APLF: variants seen among roughly 807,000 people sequenced by gnomAD.
APLF encodes aprataxin and PNK-like factor.
APLF carries 61 observed loss-of-function variants against 55.6 expected under a neutral mutation model. The observed-to-expected ratio is 1.10, with a 90% CI of 0.89 to 1.36. The LOEUF is 1.36. Among genes scored for constraint, APLF ranks in the 40% most tolerant of loss-of-function variants. The pLI is 0.00. For synonymous variants in APLF, 207 were observed against 214.8 expected, an observed-to-expected ratio of 0.96 and a Z score of 0.32; for missense variants, 611 against 602.5, an observed-to-expected ratio of 1.01 and a Z score of -0.15.
In APLF at chr2:68,493,152, A is replaced by G. The variant is rs75275544; in HGVS notation, c.168+2891A>G. Among the ~76,000 whole-genome samples, 856 of 152,264 alleles carry G rather than the reference A, an allele frequency of 5.6e-3. 6 individuals carry two copies. The highest frequency in any genetic ancestry group is 0.022 in the Admixed American group (330 of 15,298). On this transcript the variant is annotated intron_variant, in intron 2 of 9. Transcript: ENST00000303795. The stretch of plus-strand genomic sequence containing the variant: ...TTCTTCAAGTTACAACTAATTGATG[A>G]TCTGTCTTAACAAGAAGTTTTAGTG...
intron 7 of APLF, among the ~76,000 whole-genome samples, chr2:68,541,887 A>G (rs1296138976): frequency 6.6e-6 from 1 of 152,222 alleles, no homozygotes; most frequent in Non-Finnish European, 1.5e-5. Flanking sequence ...TGATTTTAAA[A>G]TGTATTACAA....
chr2:68,528,828 G>T, intron 6 of APLF: 1 of 1,498,696 alleles, frequency 6.7e-7, no homozygotes, highest in Non-Finnish European at 9.0e-7. Context: ...AAGCTCTTGA[G>T]GTGGACATTT....
chr2:68,511,030 A>G lies in APLF; in HGVS notation c.342-2050A>G, dbSNP rs141133170. Reference sequence around the variant, plus strand: ...GGAGCAGGAGGAAGAGGCAATAGGAAGAGATTGCTAATGCATATGGAATTT... The same window carrying G: ...GGAGCAGGAGGAAGAGGCAATAGGAGGAGATTGCTAATGCATATGGAATTT... On this transcript the variant is annotated intron_variant, in intron 3 of 9. Transcript: ENST00000303795. 4.1e-3 allele frequency among the ~76,000 whole-genome samples: 623 copies of G among 151,980 alleles called. 3 individuals are homozygous for G. Among genetic ancestry groups the G allele is most frequent in the African/African-American group, 0.014 (593 of 41,540 alleles).
Position 68,467,601 on chromosome 2 carries a change from C to A in APLF, c.-131C>A. The A allele has an allele frequency of 1.4e-6, 1 of 697,938 alleles. No individual in the cohort carries two copies. The highest frequency in any genetic ancestry group is 3.4e-5 in the East Asian group (1 of 29,238). 43.2% of individuals were successfully genotyped at this position (697,938 alleles called of 1,614,324 possible). ...CCGGGCTCTGAGAGGACCGGCGCAG[C>A]CGCGGGGAGCCTTTGAGGCCCTCCC... On this transcript the variant is annotated 5_prime_UTR_variant, in exon 1 of 10. Transcript: ENST00000303795.
intron 2 of APLF, among the ~76,000 whole-genome samples, chr2:68,501,635 A>G (rs951586123): frequency 6.6e-6 from 1 of 152,172 alleles, no homozygotes; most frequent in East Asian, 1.9e-4. Flanking sequence ...TATCTTTGCT[A>G]ACATGGAAAT....
At chr2:68,487,569 G>A (rs1482182187) in intron 1 of APLF, among the ~76,000 whole-genome samples, 1 of 152,036 alleles carries the variant, frequency 6.6e-6, no homozygotes, top group Non-Finnish European at 1.5e-5. Context: ...GTTGATAATT[G>A]ATTGTTATTA....
At chr2:68,473,853 A>G (rs1675692376) in intron 1 of APLF, among the ~76,000 whole-genome samples, 1 of 152,192 alleles carries the variant, frequency 6.6e-6, no homozygotes, top group African/African-American at 2.4e-5. Context: ...GCAGACATCA[A>G]CTGGGTGTCC....
intron 3 of APLF, among the ~76,000 whole-genome samples, chr2:68,504,481 G>A (rs762207063): frequency 1.1e-4 from 16 of 151,880 alleles, no homozygotes; most frequent in East Asian, 5.8e-4. Context: ...TTAGTTTATC[G>A]TATAAAAATC....
chr2:68,566,645 T>C (rs1671318689), intron 8 of APLF, among the ~76,000 whole-genome samples: 1 of 152,156 alleles, frequency 6.6e-6, no homozygotes, highest in African/African-American at 2.4e-5. Flanking sequence ...AGTTTGGTCA[T>C]GATGAATCTG....
At position 68,513,658 on chromosome 2, in the gene APLF, T is replaced by G; in HGVS notation, c.600T>G (p.Leu200=). 3 of 1,611,104 alleles carry G rather than the reference T, an allele frequency of 1.9e-6. No individual in the cohort carries two copies. Among genetic ancestry groups the G allele is most frequent in the Non-Finnish European group, 2.5e-6 (3 of 1,178,060 alleles). ...CAGAACATTTAAGTGATCAAAACCT[T>G]TCAGTACCAGCAATCAGTGGAGGTA... ...MLAEHLSDQN[L]SVPAISGGNV... is the part of the protein sequence containing the mutation. The change falls in exon 5 of 10, where the codon CTT becomes CTG. Residue 200 remains leucine (L), a synonymous_variant. Transcript: ENST00000303795.
At chr2:68,542,328 G>A (rs1357100120) in intron 7 of APLF, among the ~76,000 whole-genome samples, 1 of 152,056 alleles carries the variant, frequency 6.6e-6, no homozygotes, top group East Asian at 1.9e-4. Flanking sequence ...AAAAACTTCT[G>A]TACATGAAAG....
intron 9 of APLF, among the ~76,000 whole-genome samples, chr2:68,573,572 C>A (rs917975456): frequency 1.3e-5 from 2 of 150,856 alleles, no homozygotes; most frequent in Non-Finnish European, 2.9e-5. Flanking sequence ...ACTCAGGAGG[C>A]TGAGGCAGGA....
At chr2:68,517,069 TTAA>T (rs1469231826) in intron 5 of APLF, among the ~76,000 whole-genome samples, 1 of 123,998 alleles carries the variant, frequency 8.1e-6, no homozygotes, top group African/African-American at 3.2e-5. Context: ...ATATAACATG[TTAA>T]TATATAATAT....
intron 9 of APLF, among the ~76,000 whole-genome samples, chr2:68,573,052 A>G (rs1374192405): frequency 6.6e-6 from 1 of 152,210 alleles, no homozygotes. Flanking sequence ...ATTCCTCTGC[A>G]TATATAAAAA....
chr2:68,561,805 C>A (rs993768109), intron 8 of APLF, among the ~76,000 whole-genome samples: 5 of 151,894 alleles, frequency 3.3e-5, no homozygotes, highest in East Asian at 3.9e-4. Context: ...AACTGTTTTT[C>A]AAAGGGTAGA....
intron 8 of APLF, among the ~76,000 whole-genome samples, chr2:68,546,083 G>T (rs1189346737): frequency 6.6e-6 from 1 of 152,020 alleles, no homozygotes; most frequent in East Asian, 1.9e-4. Context: ...TCAATGAGAA[G>T]GCAAAGTAAG....
chr2:68,528,221 C>T (rs1294704828), intron 6 of APLF: 15 of 1,081,602 alleles, frequency 1.4e-5, no homozygotes, highest in Admixed American at 4.0e-5. Context: ...GGATTACAGG[C>T]GTGGGCCACC....
At chr2:68,484,843 T>A (rs1676077522) in intron 1 of APLF, among the ~76,000 whole-genome samples, 1 of 151,152 alleles carries the variant, frequency 6.6e-6, no homozygotes, top group Non-Finnish European at 1.5e-5. Context: ...AAAAAAAAAA[T>A]AAATACAACA....
intron 3 of APLF, among the ~76,000 whole-genome samples, chr2:68,504,901 A>G (rs1228928069): frequency 6.6e-6 from 1 of 152,086 alleles, no homozygotes; most frequent in Non-Finnish European, 1.5e-5. Context: ...GGGATTGACT[A>G]GTAAGAAGCT....
Sources: allele counts gnomAD v4.1 joint callset (sites outside exome capture counted in the v4.1 genomes callset), GRCh38; gene constraint gnomAD v4.1.1; transcripts MANE v1.5; gene names NCBI Gene and HGNC (gene_info 2026-07-23, HGNC 2026-07-21).